Variants in MSRA observed in about 807,000 individuals in gnomAD.
The protein encoded by MSRA is mitochondrial peptide methionine sulfoxide reductase.
A neutral mutation model predicts 31.3 loss-of-function variants in MSRA; 54 were observed. The ratio of observed to expected loss-of-function variants is 1.73; its 90% CI spans 1.39 to 2.17. The LOEUF (loss-of-function observed/expected upper bound fraction) is 2.17. Among genes scored for constraint, MSRA ranks in the 30% most tolerant of loss-of-function variants. MSRA has a pLI of 0.00. For missense variants in MSRA, 507 were observed against 300.9 expected (o/e 1.69, Z -5.07); for synonymous variants, 169 against 116.5 (o/e 1.45, Z -2.90).
At chr8:10,117,858 T>C (rs1018961007) in intron 1 of MSRA, among the ~76,000 whole-genome samples, 1 of 152,216 alleles carries the variant, frequency 6.6e-6, no homozygotes, top group Admixed American at 6.5e-5. Context: ...AATCCCTGAT[T>C]ACTGTGATGA....
chr8:10,177,213 A>T (rs1446431855), intron 1 of MSRA, among the ~76,000 whole-genome samples: 1 of 152,216 alleles, frequency 6.6e-6, no homozygotes, highest in South Asian at 2.1e-4. Flanking sequence ...GACTTGGAAG[A>T]GTCTTCACAG....
At chr8:10,199,510 G>A (rs889239362) in intron 1 of MSRA, among the ~76,000 whole-genome samples, 1 of 152,148 alleles carries the variant, frequency 6.6e-6, no homozygotes, top group East Asian at 1.9e-4. Flanking sequence ...AGTAGAGATG[G>A]CGTTTCACCA....
Position 10,054,512 on chromosome 8 carries a change from C to T in MSRA, c.-5C>T, listed in dbSNP as rs1309628945. The T allele has an allele frequency of 6.4e-7, 1 of 1,574,674 alleles. No individual in the cohort carries two copies. The highest frequency in any genetic ancestry group is 1.4e-5 in the African/African-American group (1 of 71,394). On this transcript the variant is annotated 5_prime_UTR_variant, in exon 1 of 6. Coordinates refer to ENST00000317173, the MANE Select transcript of MSRA (RefSeq NM_012331.5). ...CCGGGACCACCCTTCGGCTGGCGCC[C>T]TCCCATGCTCTCGGCCACCCGGAGG...
chr8:10,298,651 C>A (rs889269171), intron 3 of MSRA, among the ~76,000 whole-genome samples: 1 of 152,226 alleles, frequency 6.6e-6, no homozygotes, highest in East Asian at 1.9e-4. Flanking sequence ...CATTAAATGG[C>A]ATCAAGTAGA....
At chr8:10,353,722 ACCTGTCTACGT>A (rs1274098732) in intron 5 of MSRA, 1 of 451,740 alleles carries the variant, frequency 2.2e-6, no homozygotes, top group East Asian at 7.1e-5. Flanking sequence ...GCCCACTGCC[ACCTGTCTACGT>A]CCTGAGATAC....
chr8:10,333,215 C>A (rs1802809569), intron 5 of MSRA, among the ~76,000 whole-genome samples: 1 of 152,202 alleles, frequency 6.6e-6, no homozygotes, highest in Non-Finnish European at 1.5e-5. Flanking sequence ...CTTTCAGTGG[C>A]AACAGGGGAA....
At chr8:10,256,227 T>C (rs1211186196) in intron 3 of MSRA, among the ~76,000 whole-genome samples, 2 of 152,220 alleles carry the variant, frequency 1.3e-5, no homozygotes, top group Non-Finnish European at 2.9e-5. Context: ...TCACACAGCC[T>C]ATGTCCTTTT....
chr8:10,290,679 A>G (rs1800185139), intron 3 of MSRA, among the ~76,000 whole-genome samples: 1 of 152,112 alleles, frequency 6.6e-6, no homozygotes, highest in African/African-American at 2.4e-5. Context: ...TAAATTGTGA[A>G]CCACTCTCCT....
intron 5 of MSRA, among the ~76,000 whole-genome samples, chr8:10,413,108 G>A (rs1808252543): frequency 6.6e-6 from 1 of 152,218 alleles, no homozygotes. Flanking sequence ...ACCACACTGA[G>A]GAATGCGTAT....
intron 5 of MSRA, among the ~76,000 whole-genome samples, chr8:10,424,079 G>A (rs1242413624): frequency 2.6e-5 from 4 of 152,226 alleles, no homozygotes; most frequent in Non-Finnish European, 5.9e-5. Context: ...AACATAGTAT[G>A]TGGAGCAGCT....
intron 1 of MSRA, among the ~76,000 whole-genome samples, chr8:10,074,058 CTTTTT>C (rs534642712): frequency 3.7e-4 from 11 of 29,438 alleles, no homozygotes; most frequent in African/African-American, 9.7e-4. Flanking sequence ...AAGGGAGGTG[CTTTTT>C]TTTTTTTTTT....
intron 5 of MSRA, among the ~76,000 whole-genome samples, chr8:10,418,050 C>G (rs902555387): frequency 3.9e-5 from 6 of 152,134 alleles, no homozygotes; most frequent in Admixed American, 2.0e-4. Flanking sequence ...ACCCTAATTT[C>G]CGATGGGCTC....
At chr8:10,120,457 T>G (rs1014758494) in intron 1 of MSRA, among the ~76,000 whole-genome samples, 1 of 152,194 alleles carries the variant, frequency 6.6e-6, no homozygotes, top group South Asian at 2.1e-4. Context: ...ACACCACGAT[T>G]TAAGGACCAG....
chr8:10,336,130 A>G (rs1803027726), intron 5 of MSRA, among the ~76,000 whole-genome samples: 1 of 152,136 alleles, frequency 6.6e-6, no homozygotes, highest in East Asian at 1.9e-4. Flanking sequence ...AGAATATGTC[A>G]CTAGTGTTTA....
intron 5 of MSRA, among the ~76,000 whole-genome samples, chr8:10,407,119 T>G (rs1807866380): frequency 6.6e-6 from 1 of 152,252 alleles, no homozygotes; most frequent in Non-Finnish European, 1.5e-5. Context: ...TCAAGTGATC[T>G]TCCCGCCTCG....
chr8:10,151,758 C>A lies in MSRA; in HGVS notation c.143-56075C>A, dbSNP rs549588007. On this transcript the variant is annotated intron_variant, in intron 1 of 5. Transcript: ENST00000317173. ...GAAATTTAGAATCTTTGAAGGAAAG[C>A]GATGGTGAGATTATTTAGACTGGGA... Among the ~76,000 whole-genome samples, 14 of 152,234 alleles carry A rather than the reference C, an allele frequency of 9.2e-5. No homozygotes were observed. In the South Asian group the frequency reaches 2.7e-3, roughly 29 times the overall value.
intron 5 of MSRA, among the ~76,000 whole-genome samples, chr8:10,375,460 T>G (rs1447887642): frequency 6.6e-6 from 1 of 152,190 alleles, no homozygotes; most frequent in Non-Finnish European, 1.5e-5. Flanking sequence ...GTGCCCCTAG[T>G]GGAATGATGT....
In MSRA at chr8:10,368,915, A is replaced by G. The variant is rs1022782126; in HGVS notation, c.543+48926A>G. ...AAAACCAAGCAAAGGCTTCTCCCCT[A>G]CTGATCTCCAAGAGCTTAGCAAGAA... is the stretch of plus-strand genomic sequence containing the variant. On this transcript the variant is annotated intron_variant, in intron 5 of 5. Transcript: ENST00000317173. Among the ~76,000 whole-genome samples, 5 of 152,120 alleles carry G rather than the reference A, an allele frequency of 3.3e-5. No homozygotes were observed. The East Asian group carries it at 9.6e-4, about 29-fold the overall frequency.
intron 1 of MSRA, among the ~76,000 whole-genome samples, chr8:10,171,951 T>C (rs1193382103): frequency 6.6e-6 from 1 of 152,230 alleles, no homozygotes; most frequent in Non-Finnish European, 1.5e-5. Context: ...CTGAAGTATC[T>C]GAAGTAGGTA....
Sources: allele counts gnomAD v4.1 joint callset (sites outside exome capture counted in the v4.1 genomes callset), GRCh38; gene constraint gnomAD v4.1.1; transcripts MANE v1.5; gene names NCBI Gene and HGNC (gene_info 2026-07-23, HGNC 2026-07-21).